SLCO4C1: variants seen among roughly 807,000 people sequenced by gnomAD.
SLCO4C1 encodes organic anion transporter M1.
A neutral mutation model predicts 72.1 loss-of-function variants in SLCO4C1; 58 were observed. The ratio of observed to expected loss-of-function variants is 0.80; its 90% CI spans 0.65 to 1.00. The LOEUF (loss-of-function observed/expected upper bound fraction) is 1.00. SLCO4C1 is among the 50% of genes least tolerant of loss of function. SLCO4C1 has a pLI of 0.00. For missense variants in SLCO4C1, 898 were observed against 857.9 expected, an observed-to-expected ratio of 1.05 and a Z score of -0.58; for synonymous variants, 297 against 312.5, an observed-to-expected ratio of 0.95 and a Z score of 0.52.
intron 12 of SLCO4C1, among the ~76,000 whole-genome samples, chr5:102,238,511 C>G (rs1207605531): frequency 6.6e-6 from 1 of 152,066 alleles, no homozygotes; most frequent in African/African-American, 2.4e-5. Flanking sequence ...TCTGGATTTA[C>G]ATGCATGTAA....
chr5:102,294,139 C>T lies in SLCO4C1; in HGVS notation c.355+1769G>A, dbSNP rs189294008. Among the ~76,000 whole-genome samples, 887 of 152,242 alleles carry T rather than the reference C, an allele frequency of 5.8e-3. 6 individuals carry two copies. The highest frequency in any genetic ancestry group is 8.3e-3 in the Non-Finnish European group (564 of 68,018). ...GGCCAGGCTGGTCTCGAACTCCTGA[C>T]CTCAGTTGATCTGCCTGCCTCAGCC... On this transcript the variant is annotated intron_variant, in intron 1 of 12. Coordinates refer to ENST00000310954, the MANE Select transcript of SLCO4C1 (RefSeq NM_180991.5).
intron 3 of SLCO4C1, among the ~76,000 whole-genome samples, chr5:102,265,276 C>G (rs765292499): frequency 6.6e-6 from 1 of 152,130 alleles, no homozygotes; most frequent in Non-Finnish European, 1.5e-5. Context: ...GTTGTCTCTA[C>G]AATCTGATGA....
intron 3 of SLCO4C1, among the ~76,000 whole-genome samples, chr5:102,267,693 G>T (rs185487936): frequency 6.7e-6 from 1 of 149,710 alleles, no homozygotes; most frequent in African/African-American, 2.5e-5. Flanking sequence ...ATTTCCTTGA[G>T]GTACATCATT....
In SLCO4C1 at chr5:102,296,128, C is replaced by T. The variant is rs139849649; in HGVS notation, c.135G>A (p.Gln45=). 410 of 1,614,040 alleles carry T rather than the reference C, an allele frequency of 2.5e-4. No individual in the cohort carries two copies. The highest frequency in any genetic ancestry group is 2.6e-4 in the Non-Finnish European group (310 of 1,180,010). ...LSSDPQRENS[Q]PQELQKPQEP... ...CCTGGGGCTTCTGAAGCTCCTGTGG[C>T]TGAGAATTCTCTCTTTGGGGGTCAG... Residue 45 remains glutamine (Q), a synonymous_variant, in exon 1 of 13, where the codon CAG becomes CAA. Transcript: ENST00000310954.
At chr5:102,247,510 T>G in intron 9 of SLCO4C1, 68 bp from the exon 10 acceptor site, 1 of 1,101,026 alleles carries the variant, frequency 9.1e-7, no homozygotes, top group Non-Finnish European at 1.3e-6. Context: ...AAATTAGGTA[T>G]TCTCTAGACA....
At chr5:102,273,219 T>C (rs1388704962) in intron 2 of SLCO4C1, among the ~76,000 whole-genome samples, 2 of 151,838 alleles carry the variant, frequency 1.3e-5, no homozygotes, top group Non-Finnish European at 2.9e-5. Context: ...ATTACAGATA[T>C]AGAATTCAGA....
intron 6 of SLCO4C1, 57 bp downstream of exon 6, chr5:102,260,156 G>A: frequency 2.5e-6 from 1 of 394,254 alleles, no homozygotes; most frequent in Non-Finnish European, 3.9e-6. Context: ...AGGTGTGTGT[G>A]TGTATATGTG....
chr5:102,252,225 G>T lies in SLCO4C1; in HGVS notation c.1470-2437C>A, dbSNP rs1748752576. Among the ~76,000 whole-genome samples the T allele has an allele frequency of 3.3e-5, 5 of 152,240 alleles. No homozygotes were observed. In the South Asian group the frequency reaches 1.0e-3, roughly 32 times the overall value. ...GCATCAGGGGTCAAACACAGTAAATGAGTGATTTCTGTAAGTATTAGAAGA... is the reference window on the plus strand; with the variant it reads ...GCATCAGGGGTCAAACACAGTAAATTAGTGATTTCTGTAAGTATTAGAAGA... On this transcript the variant is annotated intron_variant, in intron 8 of 12. Transcript: ENST00000310954.
Position 102,260,460 on chromosome 5 carries a change from G to A in SLCO4C1, c.1022-141C>T, listed in dbSNP as rs555842068. On this transcript the variant is annotated intron_variant, in intron 5 of 12. Transcript: ENST00000310954. ...TAAAAAAAGTGCTTACTTTTTAACC[G>A]ACACATACTTCCACTAGTATATAAA... 93 of 190,648 alleles carry A rather than the reference G, an allele frequency of 4.9e-4. 1 individual carries two copies. The highest frequency in any genetic ancestry group is 2.1e-3 in the African/African-American group (85 of 41,404). 11.8% of individuals were successfully genotyped at this position (190,648 alleles called of 1,614,324 possible).
At chr5:102,257,031 C>A in intron 8 of SLCO4C1, 84 bp downstream of exon 8, 1 of 1,174,120 alleles carries the variant, frequency 8.5e-7, no homozygotes, top group South Asian at 3.0e-5. Flanking sequence ...AAGCCAATTT[C>A]TCACCATTTA....
intron 10 of SLCO4C1, 25 bp from the exon 11 acceptor site, chr5:102,240,807 A>G: frequency 6.4e-7 from 1 of 1,559,350 alleles, no homozygotes; most frequent in Middle Eastern, 1.7e-4. Context: ...TATATATGAG[A>G]CCAAAAAAGG....
rs772860519 is a variant in SLCO4C1 at position 102,296,101 on chromosome 5, C to T, written c.162G>A (p.Glu54=). ...SQPQELQKPQ[E]PQKSPEPSLP... ...GAGATGGCTCTGGTGACTTCTGGGG[C>T]TCCTGGGGCTTCTGAAGCTCCTGTG... The change falls in exon 1 of 13, where the codon GAG becomes GAA. Residue 54 remains glutamate, a synonymous_variant. Transcript: ENST00000310954. 1 of 1,614,100 alleles carries T rather than the reference C, an allele frequency of 6.2e-7. No homozygotes were observed. Among genetic ancestry groups the T allele is most frequent in the East Asian group, 2.2e-5 (1 of 44,872 alleles).
intron 1 of SLCO4C1, 62 bp from the exon 2 acceptor site, chr5:102,291,668 C>T (rs572712765): frequency 1.4e-6 from 2 of 1,382,010 alleles, no homozygotes; most frequent in South Asian, 2.8e-5. Context: ...AGATTATTAA[C>T]ACAATGAAGT....
At chr5:102,275,078 T>C (rs1424949372) in intron 2 of SLCO4C1, among the ~76,000 whole-genome samples, 2 of 151,968 alleles carry the variant, frequency 1.3e-5, no homozygotes, top group Non-Finnish European at 2.9e-5. Context: ...AAATGAGAAA[T>C]GTGAACACAT....
intron 8 of SLCO4C1, 97 bp from the exon 9 acceptor site, chr5:102,249,885 C>T (rs1056444494): frequency 8.3e-7 from 1 of 1,210,802 alleles, no homozygotes; most frequent in Non-Finnish European, 1.2e-6. Context: ...GTCATTTATT[C>T]ACTCACTCAA....
At chr5:102,262,205 TGA>T (rs1306056674) in intron 4 of SLCO4C1, among the ~76,000 whole-genome samples, 172 bp from the exon 5 acceptor site, 1 of 152,176 alleles carries the variant, frequency 6.6e-6, no homozygotes. Flanking sequence ...CAGACATAAT[TGA>T]GAGTTATAAG....
At position 102,237,004 on chromosome 5, in the gene SLCO4C1, C is replaced by T. The variant is rs762615260; in HGVS notation, c.2029G>A (p.Val677Ile). The change falls in exon 13 of 13, where the codon GTT (valine) becomes ATT (isoleucine). Residue 677 changes from valine to isoleucine, a missense_variant. Coordinates refer to ENST00000310954, the MANE Select transcript of SLCO4C1 (RefSeq NM_180991.5). ...MLVAISVTCK[V>I]ITMFFNGFAI... ...AATCCATTGAAGAACATGGTGATAACTTTACAAGTAACACCTAAGTGAAAA... is the reference window on the plus strand; with the variant it reads ...AATCCATTGAAGAACATGGTGATAATTTTACAAGTAACACCTAAGTGAAAA... 6.2e-7 allele frequency: 1 copy of T among 1,600,660 alleles called. No individual in the cohort carries two copies. Among genetic ancestry groups the T allele is most frequent in the Non-Finnish European group, 8.5e-7 (1 of 1,176,494 alleles).
At chr5:102,283,084 C>T (rs1406022030) in intron 2 of SLCO4C1, among the ~76,000 whole-genome samples, 2 of 151,502 alleles carry the variant, frequency 1.3e-5, no homozygotes, top group South Asian at 2.1e-4. Context: ...TTTCTTATCT[C>T]GTAACAATAT....
chr5:102,276,631 A>G (rs1161277371), intron 2 of SLCO4C1, among the ~76,000 whole-genome samples: 1 of 152,134 alleles, frequency 6.6e-6, no homozygotes, highest in Non-Finnish European at 1.5e-5. Flanking sequence ...AACAAGTACT[A>G]TTGGGTATAG....
Sources: gnomAD v4.1 joint callset for allele counts (sites outside exome capture counted in the v4.1 genomes callset) on GRCh38, gnomAD v4.1.1 for gene constraint, MANE v1.5 for transcripts, NCBI Gene and HGNC (gene_info 2026-07-23, HGNC 2026-07-21) for gene names.